Variants in ANK3 observed in about 807,000 individuals in gnomAD.
ANK3 encodes ankyrin-3.
Under a neutral mutation model 370.9 loss-of-function variants are expected in ANK3, and 57 were observed. The ratio of observed to expected loss-of-function variants is 0.15; its 90% CI spans 0.12 to 0.19. The LOEUF (loss-of-function observed/expected upper bound fraction) is 0.19, where lower values mean the gene tolerates loss of function less well. Among genes scored for constraint, ANK3 ranks in the 10% least tolerant of loss-of-function variants. The pLI is 1.00. For synonymous variants in ANK3, 1,929 were observed against 1,946.3 expected (o/e 0.99, Z 0.23); for missense variants, 4,439 against 5,302.1 (o/e 0.84, Z 5.06).
chr10:60,536,615 G>C (rs567851180), intron 2 of ANK3, among the ~76,000 whole-genome samples: 22 of 151,898 alleles, frequency 1.4e-4, no homozygotes, highest in Admixed American at 5.3e-4. Flanking sequence ...CCTTTTTCAG[G>C]GATCTTCTCA....
chr10:60,453,681 C>A (rs1456841044), intron 2 of ANK3, among the ~76,000 whole-genome samples: 1 of 151,668 alleles, frequency 6.6e-6, no homozygotes, highest in Non-Finnish European at 1.5e-5. Flanking sequence ...TTTTTTTTGA[C>A]ACTGGACCAA....
intron 1 of ANK3, among the ~76,000 whole-genome samples, chr10:60,680,234 C>T (rs2079177733): frequency 2.6e-5 from 4 of 152,216 alleles, no homozygotes; most frequent in Admixed American, 2.0e-4. Context: ...TTAAGCCCCT[C>T]AGTTGAATTA....
At chr10:60,436,116 A>T (rs1243222200) in intron 2 of ANK3, among the ~76,000 whole-genome samples, 3 of 152,178 alleles carry the variant, frequency 2.0e-5, no homozygotes, top group Non-Finnish European at 4.4e-5. Flanking sequence ...TAAATAAAAA[A>T]AATAAAGTCT....
intron 1 of ANK3, among the ~76,000 whole-genome samples, chr10:60,722,906 C>T (rs1055041998): frequency 7.2e-5 from 11 of 152,168 alleles, no homozygotes; most frequent in Non-Finnish European, 1.3e-4. Flanking sequence ...ATGCCAACAC[C>T]GTGCTTCCTG....
chr10:60,630,109 C>T (rs2078461909), intron 1 of ANK3, among the ~76,000 whole-genome samples: 1 of 151,944 alleles, frequency 6.6e-6, no homozygotes, highest in Non-Finnish European at 1.5e-5. Flanking sequence ...TATCATTTAC[C>T]AGCATATGAA....
chr10:60,366,268 G>T (rs1044293656), intron 1 of ANK3, among the ~76,000 whole-genome samples: 1 of 152,116 alleles, frequency 6.6e-6, no homozygotes, highest in African/African-American at 2.4e-5. Context: ...GGGAGGCGGA[G>T]TTTGCAGAGA....
intron 1 of ANK3, among the ~76,000 whole-genome samples, chr10:60,661,766 T>C (rs1357824784): frequency 2.0e-5 from 3 of 152,130 alleles, no homozygotes; most frequent in African/African-American, 4.8e-5. Context: ...CATCTGAAAA[T>C]GGCAACAAGA....
At chr10:60,638,042 G>A (rs74155637) in intron 1 of ANK3, among the ~76,000 whole-genome samples, 1,669 of 152,220 alleles carry the variant, frequency 0.011, 23 homozygotes, top group African/African-American at 0.037. Flanking sequence ...TGCAACAGTC[G>A]GAAATAATTC....
chr10:60,078,904 A>G (rs1249485707), intron 36 of ANK3, among the ~76,000 whole-genome samples: 1 of 152,156 alleles, frequency 6.6e-6, no homozygotes, highest in East Asian at 1.9e-4. Flanking sequence ...CAAGCTGCAT[A>G]CACCTTAGCT....
chr10:60,446,692 G>A (rs1279586376), intron 2 of ANK3, among the ~76,000 whole-genome samples: 1 of 152,166 alleles, frequency 6.6e-6, no homozygotes, highest in Non-Finnish European at 1.5e-5. Flanking sequence ...CAATGCCAAG[G>A]TTGCTTTCAA....
At chr10:60,324,305 G>A (rs1404697834) in intron 1 of ANK3, among the ~76,000 whole-genome samples, 4 of 152,184 alleles carry the variant, frequency 2.6e-5, no homozygotes, top group African/African-American at 2.4e-5. Flanking sequence ...TGGCAGCAGG[G>A]ACTTATTAGT....
At chr10:60,498,572 G>C (rs8181420) in intron 2 of ANK3, among the ~76,000 whole-genome samples, 90,314 of 151,794 alleles carry the variant, frequency 0.59, 27,201 homozygotes, top group East Asian at 0.79. Context: ...CTTATTTCTC[G>C]TAGCGACACA....
intron 2 of ANK3, among the ~76,000 whole-genome samples, chr10:60,523,468 C>T (rs1430323414): frequency 6.8e-6 from 1 of 147,112 alleles, no homozygotes; most frequent in Non-Finnish European, 1.5e-5. Context: ...TCAATTCCCA[C>T]CTATGAGTGA....
chr10:60,327,015 C>CAAAAAAAAAAAAAAAAAAAAA (rs986368110), intron 1 of ANK3, among the ~76,000 whole-genome samples: 1 of 143,008 alleles, frequency 7.0e-6, no homozygotes, highest in African/African-American at 2.7e-5. Flanking sequence ...GACTCCGTCT[C>CAAAAAAAAAAAAAAAAAAAAA]AAAAAAAAAA....
At chr10:60,512,683 T>C (rs542936461) in intron 2 of ANK3, among the ~76,000 whole-genome samples, 1 of 152,156 alleles carries the variant, frequency 6.6e-6, no homozygotes, top group Non-Finnish European at 1.5e-5. Flanking sequence ...GGAAAAATTG[T>C]CCTTGAGGGA....
chr10:60,342,147 C>A (rs2054425018), intron 1 of ANK3, among the ~76,000 whole-genome samples: 1 of 152,082 alleles, frequency 6.6e-6, no homozygotes, highest in African/African-American at 2.4e-5. Context: ...ATGACAAAAC[C>A]TTTGTCCTCA....
chr10:60,175,842 G>T (rs76884292), intron 18 of ANK3, among the ~76,000 whole-genome samples: 4,126 of 152,190 alleles, frequency 0.027, 173 homozygotes, highest in African/African-American at 0.094. Flanking sequence ...CTGTACATTG[G>T]CTTATGCATT....
chr10:60,354,658 A>G (rs2057445870), intron 1 of ANK3, among the ~76,000 whole-genome samples: 1 of 152,206 alleles, frequency 6.6e-6, no homozygotes, highest in African/African-American at 2.4e-5. Context: ...TATAACATAA[A>G]AATAGCTCTT....
At chr10:60,321,515 G>A (rs925877713) in intron 1 of ANK3, among the ~76,000 whole-genome samples, 9 of 152,126 alleles carry the variant, frequency 5.9e-5, no homozygotes, top group African/African-American at 9.7e-5. Context: ...TGACCCAAAC[G>A]GAAAAGAGTA....
Sources: allele counts gnomAD v4.1 joint callset (sites outside exome capture counted in the v4.1 genomes callset), GRCh38; gene constraint gnomAD v4.1.1; transcripts MANE v1.5; gene names NCBI Gene and HGNC (gene_info 2026-07-23, HGNC 2026-07-21).